The following PCDH15 variants were observed in gnomAD, a reference collection of about 807,000 sequenced individuals.
The protein encoded by PCDH15 is protocadherin-15.
PCDH15 carries 129 observed loss-of-function variants against 178.5 expected under a neutral mutation model. The ratio of observed to expected loss-of-function variants is 0.72; its 90% CI spans 0.63 to 0.84. The LOEUF is 0.84. Ranked by LOEUF, PCDH15 falls within the 40% of genes least tolerant of loss-of-function variation. PCDH15 has a pLI of 0.00. For synonymous variants in PCDH15, 800 were observed against 732.0 expected (o/e 1.09, Z -1.50); for missense variants, 2,230 against 2,099.9 (o/e 1.06, Z -1.21).
chr10:54,259,280 A>G lies in PCDH15; in HGVS notation c.877-22349T>C, dbSNP rs189850819. ...ATGTACTGATTTCTATTATTAGCCA[A>G]CATCTTCTACCGGCCCCTGTCTGGG... On this transcript the variant is annotated intron_variant, in intron 8 of 37. Coordinates refer to ENST00000644397, the MANE Select transcript of PCDH15 (RefSeq NM_001384140.1). Among the ~76,000 whole-genome samples, 230 of 152,304 alleles carry G rather than the reference A, an allele frequency of 1.5e-3. 1 individual carries two copies. The highest frequency in any genetic ancestry group is 5.1e-3 in the African/African-American group (212 of 41,568).
At chr10:53,870,372 G>GT (rs1398605717) in intron 26 of PCDH15, among the ~76,000 whole-genome samples, 9 of 151,858 alleles carry the variant, frequency 5.9e-5, no homozygotes, top group East Asian at 1.9e-4. Context: ...TGAGATAAAA[G>GT]TTTTTTTAAA....
intron 2 of PCDH15, among the ~76,000 whole-genome samples, chr10:55,007,271 TGAAA>T (rs1839953717): frequency 6.6e-6 from 1 of 152,174 alleles, no homozygotes; most frequent in African/African-American, 2.4e-5. Context: ...AACCAATTTG[TGAAA>T]GATAGACAGG....
chr10:55,538,578 TTTCCTTCCTTCCTTCC>T (rs368432762), intron 2 of PCDH15, among the ~76,000 whole-genome samples: 2 of 46,136 alleles, frequency 4.3e-5, no homozygotes, highest in Admixed American at 2.7e-4. Flanking sequence ...TCCTTCCTCC[TTTCCTTCCTTCCTTCC>T]TTCCTTCCTT....
At chr10:55,041,149 A>C (rs1395442068) in intron 2 of PCDH15, among the ~76,000 whole-genome samples, 1 of 152,160 alleles carries the variant, frequency 6.6e-6, no homozygotes, top group East Asian at 1.9e-4. Flanking sequence ...TATAGCAGCC[A>C]ATATGACTAA....
chr10:55,562,385 A>G, intron 2 of PCDH15, among the ~76,000 whole-genome samples: 1 of 151,954 alleles, frequency 6.6e-6, no homozygotes. Context: ...ACTTGTATAT[A>G]TTATTTTAAA....
chr10:54,113,041 T>C (rs1369063765), intron 15 of PCDH15, among the ~76,000 whole-genome samples: 1 of 152,168 alleles, frequency 6.6e-6, no homozygotes, highest in South Asian at 2.1e-4. Flanking sequence ...ATCACAGAGA[T>C]TACATCTGAT....
At chr10:54,596,862 T>G (rs2092266962) in intron 2 of PCDH15, among the ~76,000 whole-genome samples, 1 of 152,116 alleles carries the variant, frequency 6.6e-6, no homozygotes, top group African/African-American at 2.4e-5. Context: ...AAGGGCATTA[T>G]ATAATAGAAA....
chr10:54,777,831 A>C (rs1949867542), intron 1 of PCDH15, among the ~76,000 whole-genome samples: 1 of 152,248 alleles, frequency 6.6e-6, no homozygotes, highest in Non-Finnish European at 1.5e-5. Context: ...ATTTATAGCA[A>C]AGCTGGAAAC....
At chr10:54,904,264 C>T (rs1285736169) in intron 2 of PCDH15, among the ~76,000 whole-genome samples, 1 of 151,986 alleles carries the variant, frequency 6.6e-6, no homozygotes, top group East Asian at 1.9e-4. Context: ...TATATTTTAA[C>T]TTTGCATCTT....
At chr10:54,715,117 A>G (rs568577783) in intron 1 of PCDH15, among the ~76,000 whole-genome samples, 100 of 152,254 alleles carry the variant, frequency 6.6e-4, no homozygotes, top group Non-Finnish European at 8.8e-5. Flanking sequence ...TGCAGTAAAT[A>G]TATCTGTTTT....
At chr10:54,351,900 G>A (rs1303609884) in intron 5 of PCDH15, among the ~76,000 whole-genome samples, 2 of 152,124 alleles carry the variant, frequency 1.3e-5, no homozygotes, top group African/African-American at 4.8e-5. Flanking sequence ...ACCCAATACA[G>A]CAAGCACATG....
chr10:55,290,003 C>A (rs1246325376), intron 1 of PCDH15, among the ~76,000 whole-genome samples: 1 of 151,638 alleles, frequency 6.6e-6, no homozygotes, highest in Non-Finnish European at 1.5e-5. Context: ...TAAAGAAGAC[C>A]CTCACTAGAT....
intron 18 of PCDH15, among the ~76,000 whole-genome samples, chr10:54,033,005 T>C (rs796960519): frequency 1.3e-4 from 19 of 151,868 alleles, no homozygotes; most frequent in African/African-American, 4.3e-4. Flanking sequence ...TCCCCCATGA[T>C]CCAGTCACCC....
intron 3 of PCDH15, among the ~76,000 whole-genome samples, chr10:54,497,462 A>G (rs1235663541): frequency 6.6e-6 from 1 of 152,188 alleles, no homozygotes; most frequent in Non-Finnish European, 1.5e-5. Flanking sequence ...AATGGCTAAA[A>G]TGACAGACAT....
At chr10:55,117,312 A>C (rs991702742) in intron 2 of PCDH15, among the ~76,000 whole-genome samples, 2 of 152,188 alleles carry the variant, frequency 1.3e-5, no homozygotes. Context: ...TGCTGTATTC[A>C]TTAGAACCTG....
chr10:54,167,036 C>T (rs1367460176), intron 13 of PCDH15, among the ~76,000 whole-genome samples: 2 of 152,170 alleles, frequency 1.3e-5, no homozygotes, highest in African/African-American at 4.8e-5. Context: ...ACTCTCTTTT[C>T]GGACTCAGCC....
chr10:55,489,667 A>G, intron 2 of PCDH15, among the ~76,000 whole-genome samples: 1 of 151,832 alleles, frequency 6.6e-6, no homozygotes, highest in East Asian at 2.0e-4. Flanking sequence ...CCTAAAGCTC[A>G]TATTTAAACA....
chr10:54,247,881 A>AAAAAATATAT (rs1260841226), intron 8 of PCDH15, among the ~76,000 whole-genome samples: 2 of 148,494 alleles, frequency 1.3e-5, no homozygotes, highest in African/African-American at 5.0e-5. Flanking sequence ...AAAAAAAAGA[A>AAAAAATATAT]ATATGTATAT....
chr10:55,081,664 GAGA>G (rs1338753030), intron 2 of PCDH15, among the ~76,000 whole-genome samples: 2 of 152,168 alleles, frequency 1.3e-5, no homozygotes, highest in East Asian at 3.9e-4. Flanking sequence ...AGTTTACAAA[GAGA>G]AGATGTTCAT....
Sources: gnomAD v4.1 joint callset for allele counts (sites outside exome capture counted in the v4.1 genomes callset) on GRCh38, gnomAD v4.1.1 for gene constraint, MANE v1.5 for transcripts, NCBI Gene and HGNC (gene_info 2026-07-23, HGNC 2026-07-21) for gene names.